ADGRV1: variants seen among roughly 807,000 people sequenced by gnomAD.
ADGRV1 encodes adhesion G protein-coupled receptor V1, also known as G-protein coupled receptor 98.
ADGRV1 carries 359 observed loss-of-function variants against 596.2 expected under a neutral mutation model. That is an observed-to-expected ratio of 0.60 (90% CI 0.55 to 0.66). ADGRV1 has a LOEUF of 0.66. ADGRV1 is among the 30% of genes least tolerant of loss of function. The pLI, the probability that ADGRV1 is intolerant of heterozygous loss-of-function variation, is 0.00. For synonymous variants in ADGRV1, 2,681 were observed against 2,679.2 expected (o/e 1.00, Z -0.02); for missense variants, 7,274 against 7,575.6 (o/e 0.96, Z 1.48).
In ADGRV1 at chr5:90,776,565, C is replaced by T. The variant is rs776057320; in HGVS notation, c.12516C>T (p.Thr4172=). Residue 4172 remains threonine, a synonymous_variant, in exon 61 of 90, where the codon ACC becomes ACT. Coordinates refer to ENST00000405460, the MANE Select transcript of ADGRV1 (RefSeq NM_032119.4). ...AACCCTCAGCAAAATATAATGGTAC[C>T]GCTATTATCAGGTAAGGACTTCATG... ...IGEPSAKYNG[T]AIISLVRGPG... The T allele has an allele frequency of 7.4e-6, 12 of 1,613,098 alleles. No homozygotes were observed. Among genetic ancestry groups the T allele is most frequent in the South Asian group, 4.4e-5 (4 of 91,060 alleles).
At chr5:91,094,428 C>A (rs1243089330) in intron 86 of ADGRV1, among the ~76,000 whole-genome samples, 1 of 149,738 alleles carries the variant, frequency 6.7e-6, no homozygotes, top group Non-Finnish European at 1.5e-5. Flanking sequence ...CACTGCACTC[C>A]AGCCTAGGCA....
chr5:91,048,137 A>G (rs1346808964), intron 85 of ADGRV1, among the ~76,000 whole-genome samples: 1 of 152,196 alleles, frequency 6.6e-6, no homozygotes, highest in African/African-American at 2.4e-5. Context: ...GAGGAAGAAT[A>G]TGGAAGAGAG....
intron 67 of ADGRV1, among the ~76,000 whole-genome samples, chr5:90,787,779 C>T (rs978645095): frequency 6.6e-6 from 1 of 151,592 alleles, no homozygotes; most frequent in Non-Finnish European, 1.5e-5. Context: ...TTAGTAGAGA[C>T]GGGGTTTCAC....
intron 1 of ADGRV1, among the ~76,000 whole-genome samples, chr5:90,577,852 C>T (rs1428075802): frequency 6.6e-6 from 1 of 152,038 alleles, no homozygotes; most frequent in East Asian, 1.9e-4. Flanking sequence ...AAGTTGGATT[C>T]CTAGGTATTT....
chr5:91,052,894 T>C (rs1271548882), intron 85 of ADGRV1, among the ~76,000 whole-genome samples: 1 of 152,152 alleles, frequency 6.6e-6, no homozygotes, highest in African/African-American at 2.4e-5. Flanking sequence ...CCCAGAAACA[T>C]GCTTCTATAG....
chr5:91,133,051 A>G (rs966086697), intron 87 of ADGRV1, among the ~76,000 whole-genome samples: 1 of 152,318 alleles, frequency 6.6e-6, no homozygotes, highest in Admixed American at 6.5e-5. Flanking sequence ...GGAAGAGACT[A>G]GGGAGTGAGC....
rs1749271573 is a variant in ADGRV1 at position 90,711,037 on chromosome 5, G to A, written c.8881G>A (p.Val2961Ile). The A allele has an allele frequency of 6.2e-7, 1 of 1,610,754 alleles. No individual in the cohort carries two copies. Among genetic ancestry groups the A allele is most frequent in the Non-Finnish European group, 8.5e-7 (1 of 1,178,164 alleles). ...TGATGCCAATGATGGGGCCCGAGGTGTAATTGAATGGCAACAAAGCAGGTA... is the reference window on the plus strand; with the variant it reads ...TGATGCCAATGATGGGGCCCGAGGTATAATTGAATGGCAACAAAGCAGGTA... ...IIDANDGARG[V>I]IEWQQSRFEV... Residue 2961 changes from valine to isoleucine, a missense_variant, in exon 40 of 90, where the codon GTA (valine) becomes ATA (isoleucine). Around this residue, in one of 5 missense-constraint regions of ADGRV1, gnomAD observed 3,643 missense variants for 3,809.2 expected, o/e 0.96. Coordinates refer to ENST00000405460, the MANE Select transcript of ADGRV1 (RefSeq NM_032119.4).
intron 70 of ADGRV1, among the ~76,000 whole-genome samples, chr5:90,794,184 A>G (rs949649176): frequency 6.6e-6 from 1 of 152,200 alleles, no homozygotes; most frequent in Non-Finnish European, 1.5e-5. Flanking sequence ...TGATGTATCT[A>G]ACCCTCTGTG....
In ADGRV1 at chr5:90,705,472, A is replaced by G. The variant is rs780583858; in HGVS notation, c.8459A>G (p.Asp2820Gly). The change falls in exon 37 of 90, where the codon GAT (aspartate) becomes GGT (glycine). Residue 2820 changes from aspartate (D) to glycine (G), a missense_variant. Around this residue, in one of 5 missense-constraint regions of ADGRV1, gnomAD observed 3,643 missense variants for 3,809.2 expected, o/e 0.96. Coordinates refer to ENST00000405460, the MANE Select transcript of ADGRV1 (RefSeq NM_032119.4). ...GCTGTCCTCACAGTAGAAGCCAGTG[A>G]TGAACCACATGGAGTTTTAAATTTT... ...YAAVLTVEAS[D>G]EPHGVLNFAL... 46 of 1,613,856 alleles carry G rather than the reference A, an allele frequency of 2.9e-5. No individual in the cohort carries two copies. Among genetic ancestry groups the G allele is most frequent in the Non-Finnish European group, 3.6e-5 (43 of 1,179,852 alleles).
rs1768972076 is a variant in ADGRV1 at position 90,653,656 on chromosome 5, T to G, written c.4082T>G (p.Val1361Gly). The change falls in exon 20 of 90, where the codon GTA (valine) becomes GGA (glycine). Residue 1361 changes from valine (V) to glycine (G), a missense_variant. By Grantham distance (109) the Val-to-Gly change is moderately radical (BLOSUM62 -3). Around this residue, in one of 5 missense-constraint regions of ADGRV1, gnomAD observed 1,715 missense variants for 1,708.8 expected, o/e 1.00. Transcript: ENST00000405460. Reference protein sequence around the residue: ...TIANFTFSAWVMPNANTNGFI... With the variant: ...TIANFTFSAWGMPNANTNGFI... ...GCCAACTTTACATTCTCAGCTTGGG[T>G]AATGCCCAATGCCAATACGAATGGA... The G allele has an allele frequency of 6.2e-7, 1 of 1,613,376 alleles. No homozygotes were observed. Among genetic ancestry groups the G allele is most frequent in the Non-Finnish European group, 8.5e-7 (1 of 1,179,668 alleles).
chr5:90,703,487 G>A (rs1248449648), intron 34 of ADGRV1, among the ~76,000 whole-genome samples, 178 bp from the exon 35 acceptor site: 3 of 152,006 alleles, frequency 2.0e-5, no homozygotes, highest in Non-Finnish European at 4.4e-5. Context: ...TTTAGAAGTG[G>A]GGATAATAAA....
At chr5:90,742,892 G>T (rs1287285946) in intron 50 of ADGRV1, among the ~76,000 whole-genome samples, 1 of 152,156 alleles carries the variant, frequency 6.6e-6, no homozygotes, top group African/African-American at 2.4e-5. Flanking sequence ...GCAACTGGTG[G>T]GTGAATGGTA....
At chr5:90,937,535 G>A (rs1353947469) in intron 83 of ADGRV1, among the ~76,000 whole-genome samples, 1 of 146,560 alleles carries the variant, frequency 6.8e-6, no homozygotes, top group East Asian at 2.0e-4. Context: ...GCGGCTCACT[G>A]CAAGCTCCGC....
chr5:91,103,023 T>C (rs1791530904), intron 87 of ADGRV1, among the ~76,000 whole-genome samples: 1 of 152,202 alleles, frequency 6.6e-6, no homozygotes, highest in African/African-American at 2.4e-5. Flanking sequence ...ATTTCTTAAA[T>C]TTATTAAATT....
chr5:90,573,978 C>G (rs1756880985), intron 1 of ADGRV1, among the ~76,000 whole-genome samples: 1 of 152,048 alleles, frequency 6.6e-6, no homozygotes, highest in Non-Finnish European at 1.5e-5. Flanking sequence ...AGCTTTATTT[C>G]TATTCTGTTT....
rs564120237 is a variant in ADGRV1 at position 91,128,157 on chromosome 5, C to T, written c.18433-21873C>T. Reference sequence around the variant, plus strand: ...CTTTTTAAACTCTCCAAAGTCAAATCTTTCAAGGGAGCTTCTCTCTTGGGC... The same window carrying T: ...CTTTTTAAACTCTCCAAAGTCAAATTTTTCAAGGGAGCTTCTCTCTTGGGC... On this transcript the variant is annotated intron_variant, in intron 87 of 89. Transcript: ENST00000405460. Among the ~76,000 whole-genome samples, 135 of 151,744 alleles carry T rather than the reference C, an allele frequency of 8.9e-4. 1 individual carries two copies. The highest frequency in any genetic ancestry group is 3.1e-3 in the African/African-American group (129 of 41,376).
intron 85 of ADGRV1, among the ~76,000 whole-genome samples, chr5:91,036,355 C>T (rs777465452): frequency 1.6e-4 from 25 of 151,856 alleles, no homozygotes; most frequent in Admixed American, 1.3e-4. Flanking sequence ...GTCAGGAGAT[C>T]GAGACCATCC....
chr5:90,840,589 T>A lies in ADGRV1; in HGVS notation c.16623T>A (p.Ser5541Arg), dbSNP rs1318018080. 1 of 1,602,222 alleles carries A rather than the reference T, an allele frequency of 6.2e-7. No homozygotes were observed. Among genetic ancestry groups the A allele is most frequent in the Admixed American group, 1.7e-5 (1 of 59,272 alleles). Residue 5541 changes from serine (S) to arginine (R), a missense_variant, in exon 78 of 90, where the codon AGT (serine) becomes AGA (arginine). Physicochemically the swap from Ser to Arg is moderately radical, Grantham distance 110. Coordinates refer to ENST00000405460, the MANE Select transcript of ADGRV1 (RefSeq NM_032119.4). ...TGTTTAATTTCTAGGAGTTGAGGAGTGCTGAAACAATTGGTCGTACCATCA... is the reference window on the plus strand; with the variant it reads ...TGTTTAATTTCTAGGAGTTGAGGAGAGCTGAAACAATTGGTCGTACCATCA... ...SVNFSTQELRSAETIGRTIIS... is the reference protein window; with the variant it reads ...SVNFSTQELRRAETIGRTIIS...
Position 90,729,696 on chromosome 5 carries a change from G to A in ADGRV1, c.10481G>A (p.Arg3494Lys), listed in dbSNP as rs777259124. Residue 3494 changes from arginine (R) to lysine (K), a missense_variant, in exon 50 of 90, where the codon AGG (arginine) becomes AAG (lysine). Physicochemically the swap from Arg to Lys is conservative, Grantham distance 26. Around this residue, in one of 5 missense-constraint regions of ADGRV1, gnomAD observed 3,643 missense variants for 3,809.2 expected, o/e 0.96. Transcript: ENST00000405460. ...TGGGAGATGGGACAGTCTTCCTTCA[G>A]GTATTTTCAGTCTGTAGATTTTGCT... ...FIWEMGQSSFRYFQSVDFAAV... is the reference protein window; with the variant it reads ...FIWEMGQSSFKYFQSVDFAAV... 32 of 1,607,386 alleles carry A rather than the reference G, an allele frequency of 2.0e-5. No homozygotes were observed. The highest frequency in any genetic ancestry group is 2.5e-5 in the Non-Finnish European group (29 of 1,174,374).
Sources: allele counts gnomAD v4.1 joint callset (sites outside exome capture counted in the v4.1 genomes callset), GRCh38; gene constraint gnomAD v4.1.1; regional missense constraint gnomAD v4.1.1; transcripts MANE v1.5; gene names NCBI Gene and HGNC (gene_info 2026-07-23, HGNC 2026-07-21).